SFMBT1: variants seen among roughly 807,000 people sequenced by gnomAD.
SFMBT1 encodes the protein Scm like with four mbt domains 1.
A neutral mutation model predicts 108.7 loss-of-function variants in SFMBT1; 32 were observed. That is an observed-to-expected ratio of 0.29 (90% CI 0.22 to 0.40). The LOEUF (loss-of-function observed/expected upper bound fraction) is 0.40. Among genes scored for constraint, SFMBT1 ranks in the 10% least tolerant of loss-of-function variants. The pLI is 1.00. For missense variants in SFMBT1, 816 were observed against 1,059.6 expected, an observed-to-expected ratio of 0.77 and a Z score of 3.19; for synonymous variants, 348 against 369.5, an observed-to-expected ratio of 0.94 and a Z score of 0.67.
chr3:52,925,903 C>T (rs1702643261), intron 10 of SFMBT1, 128 bp downstream of exon 10: 1 of 753,264 alleles, frequency 1.3e-6, no homozygotes, highest in East Asian at 3.0e-5. Flanking sequence ...CATGTGATTA[C>T]AATCACCACT....
At chr3:52,993,891 AG>A (rs1248575046) in intron 1 of SFMBT1, among the ~76,000 whole-genome samples, 1 of 150,510 alleles carries the variant, frequency 6.6e-6, no homozygotes, top group Non-Finnish European at 1.5e-5. Flanking sequence ...GCTAAAAAAA[AG>A]CAACCAATTA....
At position 52,930,835 on chromosome 3, in the gene SFMBT1, T is replaced by C. The variant is rs557739450; in HGVS notation, c.795+106A>G. On this transcript the variant is annotated intron_variant, in intron 7 of 20. Transcript: ENST00000394752. Reference sequence around the variant, plus strand: ...ACACACCCTCCTCCTTCAGAGACCATGGCATTCTTACCGACTGCAGGGGCT... The same window carrying C: ...ACACACCCTCCTCCTTCAGAGACCACGGCATTCTTACCGACTGCAGGGGCT... 1.9e-4 allele frequency: 156 copies of C among 812,058 alleles called. No homozygotes were observed. The Middle Eastern group carries it at 2.3e-3, about 12-fold the overall frequency. The allele number at this position is 812,058 out of a possible 1,614,324, so 50.3% of individuals were successfully genotyped here.
intron 1 of SFMBT1, among the ~76,000 whole-genome samples, chr3:52,971,603 G>C (rs566792151): frequency 6.6e-6 from 1 of 152,184 alleles, no homozygotes; most frequent in Non-Finnish European, 1.5e-5. Context: ...GTGGGGTAAA[G>C]TAATCAAGAG....
At chr3:52,945,855 A>G (rs1703349793) in intron 3 of SFMBT1, among the ~76,000 whole-genome samples, 2 of 152,134 alleles carry the variant, frequency 1.3e-5, no homozygotes, top group African/African-American at 4.8e-5. Context: ...GCAGGCAAGA[A>G]TTATTGATGG....
At chr3:52,973,693 C>T (rs1410178933) in intron 1 of SFMBT1, among the ~76,000 whole-genome samples, 2 of 152,026 alleles carry the variant, frequency 1.3e-5, no homozygotes, top group Non-Finnish European at 2.9e-5. Context: ...TGCAGTGGCA[C>T]AATCTCGGCT....
At chr3:52,942,734 C>G (rs1353563765) in intron 4 of SFMBT1, among the ~76,000 whole-genome samples, 1 of 152,168 alleles carries the variant, frequency 6.6e-6, no homozygotes, top group African/African-American at 2.4e-5. Context: ...AGGCTGGTCT[C>G]GAACTCCTGA....
chr3:52,970,820 C>T (rs767261220), intron 1 of SFMBT1, among the ~76,000 whole-genome samples: 1 of 152,092 alleles, frequency 6.6e-6, no homozygotes. Flanking sequence ...GTACCAGCTA[C>T]CTAAAGGACA....
intron 1 of SFMBT1, among the ~76,000 whole-genome samples, chr3:53,041,949 A>G (rs1700072464): frequency 6.6e-6 from 1 of 152,170 alleles, no homozygotes; most frequent in Non-Finnish European, 1.5e-5. Flanking sequence ...ATACTCTGCC[A>G]TAAGGAAGTT....
chr3:52,961,982 T>C (rs1193162375), intron 2 of SFMBT1, among the ~76,000 whole-genome samples: 3 of 152,214 alleles, frequency 2.0e-5, no homozygotes, highest in South Asian at 2.1e-4. Context: ...ATGAGCAAGA[T>C]ATATGAGAGT....
chr3:53,021,941 G>T (rs1699317968), intron 1 of SFMBT1, among the ~76,000 whole-genome samples: 1 of 152,174 alleles, frequency 6.6e-6, no homozygotes, highest in African/African-American at 2.4e-5. Flanking sequence ...TTCAGGAAGG[G>T]ATTCATAGAA....
intron 9 of SFMBT1, 102 bp downstream of exon 9, chr3:52,928,089 G>C: frequency 1.4e-6 from 2 of 1,445,942 alleles, no homozygotes; most frequent in Non-Finnish European, 1.9e-6. Flanking sequence ...GAACAGGCTA[G>C]GGCAGGAGGA....
At chr3:52,950,031 T>C (rs1703518010) in intron 3 of SFMBT1, among the ~76,000 whole-genome samples, 1 of 151,976 alleles carries the variant, frequency 6.6e-6, no homozygotes, top group African/African-American at 2.4e-5. Context: ...AGTTGGGTCA[T>C]ATTTTTTGAT....
At chr3:52,968,293 G>A (rs1185135561) in intron 2 of SFMBT1, among the ~76,000 whole-genome samples, 1 of 152,188 alleles carries the variant, frequency 6.6e-6, no homozygotes, top group African/African-American at 2.4e-5. Flanking sequence ...GGGGAAGGAG[G>A]ATAGGTGTGG....
rs148019673 is a variant in SFMBT1 at position 52,924,658 on chromosome 3, AAACAAC to A, written c.1131+1367_1131+1372del. 4.2e-3 allele frequency among the ~76,000 whole-genome samples: 633 copies of A among 150,642 alleles called. 3 individuals carry two copies. Among genetic ancestry groups the A allele is most frequent in the African/African-American group, 0.015 (597 of 40,982 alleles). ...ATTCTGTCTAAGAAGAACAAAAAAC[AAACAAC>A]AACAACAACAACAACAACAAAACCC... On this transcript the variant is annotated intron_variant, in intron 10 of 20. Coordinates refer to ENST00000394752, the MANE Select transcript of SFMBT1 (RefSeq NM_016329.4).
chr3:52,955,855 A>G (rs918988923), intron 2 of SFMBT1, among the ~76,000 whole-genome samples: 1 of 152,238 alleles, frequency 6.6e-6, no homozygotes, highest in Non-Finnish European at 1.5e-5. Context: ...TCACTTTATG[A>G]GGCCAGCATC....
At chr3:53,027,448 T>C (rs954611544) in intron 1 of SFMBT1, among the ~76,000 whole-genome samples, 1 of 152,242 alleles carries the variant, frequency 6.6e-6, no homozygotes, top group Admixed American at 6.5e-5. Flanking sequence ...CACCACTGCT[T>C]CATGTCACAG....
chr3:52,949,333 T>C (rs1703488117), intron 3 of SFMBT1, among the ~76,000 whole-genome samples: 1 of 152,308 alleles, frequency 6.6e-6, no homozygotes, highest in Admixed American at 6.5e-5. Flanking sequence ...AGTTGATTGA[T>C]GGTATTGCAG....
intron 1 of SFMBT1, among the ~76,000 whole-genome samples, chr3:53,015,047 C>T (rs1253685316): frequency 1.3e-5 from 2 of 151,926 alleles, no homozygotes; most frequent in Admixed American, 6.6e-5. Context: ...GGTGAAACCT[C>T]GTCTCTACAA....
In SFMBT1 at chr3:53,002,268, G is replaced by A. The variant is rs555111590; in HGVS notation, c.-130-33010C>T. Among the ~76,000 whole-genome samples the A allele has an allele frequency of 4.0e-4, 59 of 148,568 alleles. 4 individuals are homozygous for A. The South Asian group carries it at 0.01, about 26-fold the overall frequency. ...CAAAAAATTAGCCGGGCGTGGTGGC[G>A]GGCACCTGTAGTCCCAGCTACTTGG... On this transcript the variant is annotated intron_variant, in intron 1 of 20. Coordinates refer to ENST00000394752, the MANE Select transcript of SFMBT1 (RefSeq NM_016329.4).
Sources: gnomAD v4.1 joint callset for allele counts (sites outside exome capture counted in the v4.1 genomes callset) on GRCh38, gnomAD v4.1.1 for gene constraint, MANE v1.5 for transcripts, NCBI Gene and HGNC (gene_info 2026-07-23, HGNC 2026-07-21) for gene names.